KCNQ5: variants seen among roughly 807,000 people sequenced by gnomAD.
KCNQ5 encodes the protein potassium voltage-gated channel subfamily KQT member 5.
In KCNQ5, 30 loss-of-function variants were observed where a neutral mutation model predicts 98.2. The ratio of observed to expected loss-of-function variants is 0.31; its 90% CI spans 0.23 to 0.41. The LOEUF is 0.41. Among genes scored for constraint, KCNQ5 ranks in the 10% least tolerant of loss-of-function variants. The pLI is 1.00. For synonymous variants in KCNQ5, 458 were observed against 449.4 expected (o/e 1.02, Z -0.24); for missense variants, 835 against 1,182.5 (o/e 0.71, Z 4.31).
chr6:73,055,208 G>T (rs1772423486), intron 3 of KCNQ5: 2 of 1,076,266 alleles, frequency 1.9e-6, no homozygotes, highest in Admixed American at 1.7e-5. Flanking sequence ...CCATGAGGCG[G>T]CAAAGCAGGC....
intron 1 of KCNQ5, among the ~76,000 whole-genome samples, chr6:72,915,106 G>C (rs542918572): frequency 1.3e-5 from 2 of 152,092 alleles, no homozygotes; most frequent in Non-Finnish European, 2.9e-5. Context: ...ATTTAGTCAA[G>C]AGAAGAGATG....
At chr6:72,771,117 A>G (rs956830530) in intron 1 of KCNQ5, among the ~76,000 whole-genome samples, 2 of 152,034 alleles carry the variant, frequency 1.3e-5, no homozygotes, top group Non-Finnish European at 2.9e-5. Context: ...CTGGAGCGTG[A>G]GTGGGGATGA....
At chr6:72,707,056 G>A (rs1434393048) in intron 1 of KCNQ5, among the ~76,000 whole-genome samples, 2 of 152,128 alleles carry the variant, frequency 1.3e-5, no homozygotes. Context: ...ATGAGTGTGT[G>A]TATATGTGTA....
chr6:73,063,735 A>AT (rs1432786492), intron 3 of KCNQ5, among the ~76,000 whole-genome samples: 12 of 148,468 alleles, frequency 8.1e-5, no homozygotes, highest in Non-Finnish European at 1.2e-4. Context: ...AGATAGATAG[A>AT]TAGATAGATA....
intron 1 of KCNQ5, among the ~76,000 whole-genome samples, chr6:72,709,616 A>C (rs1423574447): frequency 6.6e-6 from 1 of 152,180 alleles, no homozygotes; most frequent in African/African-American, 2.4e-5. Context: ...TTTTCTATAA[A>C]CTTTCACTAC....
chr6:73,159,455 C>T (rs1242875746), intron 10 of KCNQ5, among the ~76,000 whole-genome samples: 2 of 152,040 alleles, frequency 1.3e-5, no homozygotes, highest in Non-Finnish European at 2.9e-5. Flanking sequence ...TATAATAAAC[C>T]TTCTCATGTA....
chr6:72,752,630 A>G (rs971561968), intron 1 of KCNQ5, among the ~76,000 whole-genome samples: 2 of 152,132 alleles, frequency 1.3e-5, no homozygotes, highest in South Asian at 4.1e-4. Context: ...ACAGTCCATT[A>G]AACAATTTGG....
chr6:72,916,469 C>T (rs542133764), intron 1 of KCNQ5, among the ~76,000 whole-genome samples: 2 of 152,212 alleles, frequency 1.3e-5, no homozygotes, highest in African/African-American at 4.8e-5. Context: ...TAGAGAGAGG[C>T]AGATTACTAT....
intron 11 of KCNQ5, among the ~76,000 whole-genome samples, chr6:73,183,694 T>C (rs980951522): frequency 2.6e-5 from 4 of 152,238 alleles, no homozygotes; most frequent in Admixed American, 2.6e-4. Context: ...CTCTACCTTC[T>C]ATTTTGATCA....
At chr6:72,744,548 TGC>T (rs1461773684) in intron 1 of KCNQ5, among the ~76,000 whole-genome samples, 1 of 152,132 alleles carries the variant, frequency 6.6e-6, no homozygotes, top group Non-Finnish European at 1.5e-5. Context: ...CGGTGGCTCA[TGC>T]CTGTAATCCC....
At chr6:72,696,889 A>G (rs905155662) in intron 1 of KCNQ5, among the ~76,000 whole-genome samples, 2 of 152,240 alleles carry the variant, frequency 1.3e-5, no homozygotes, top group African/African-American at 4.8e-5. Flanking sequence ...AGCACTAAAT[A>G]ATGGTTGACA....
At chr6:73,072,803 C>A (rs1466182759) in intron 3 of KCNQ5, among the ~76,000 whole-genome samples, 6 of 152,152 alleles carry the variant, frequency 3.9e-5, no homozygotes, top group African/African-American at 7.2e-5. Context: ...TACTGGGCTG[C>A]TTATAATCAA....
At chr6:72,947,485 G>A (rs545639619) in intron 1 of KCNQ5, among the ~76,000 whole-genome samples, 14 of 152,230 alleles carry the variant, frequency 9.2e-5, no homozygotes, top group Middle Eastern at 3.4e-3. Context: ...TGTTAAGTCC[G>A]TTCTTAGCCG....
intron 9 of KCNQ5, among the ~76,000 whole-genome samples, chr6:73,126,651 G>A (rs923878713): frequency 1.3e-5 from 2 of 152,084 alleles, no homozygotes; most frequent in Non-Finnish European, 2.9e-5. Context: ...GAAGTGGGTT[G>A]ATGACTTAGA....
intron 1 of KCNQ5, among the ~76,000 whole-genome samples, chr6:72,932,816 T>C (rs1447740811): frequency 6.6e-6 from 1 of 152,148 alleles, no homozygotes; most frequent in Non-Finnish European, 1.5e-5. Context: ...TAATGTTGCT[T>C]TTTGAACTAT....
At chr6:72,714,475 T>G (rs1769539651) in intron 1 of KCNQ5, among the ~76,000 whole-genome samples, 1 of 152,078 alleles carries the variant, frequency 6.6e-6, no homozygotes, top group South Asian at 2.1e-4. Context: ...AAAAAAAGCC[T>G]TTATAACACA....
intron 1 of KCNQ5, among the ~76,000 whole-genome samples, chr6:72,788,468 A>G (rs1561984039): frequency 6.6e-6 from 1 of 152,304 alleles, no homozygotes; most frequent in East Asian, 1.9e-4. Flanking sequence ...AGAAAGTTTC[A>G]TTCTTCTTCC....
At chr6:72,774,019 T>G (rs1054769539) in intron 1 of KCNQ5, among the ~76,000 whole-genome samples, 2 of 152,026 alleles carry the variant, frequency 1.3e-5, no homozygotes, top group African/African-American at 4.8e-5. Flanking sequence ...GAAAATAATT[T>G]TTTCCCCCAG....
chr6:72,711,241 C>G (rs1034517494), intron 1 of KCNQ5, among the ~76,000 whole-genome samples: 3 of 151,776 alleles, frequency 2.0e-5, no homozygotes, highest in Admixed American at 6.6e-5. Context: ...CAAGAAGTAG[C>G]CATTTACAAA....
Sources: gnomAD v4.1 joint callset for allele counts (sites outside exome capture counted in the v4.1 genomes callset) on GRCh38, gnomAD v4.1.1 for gene constraint, MANE v1.5 for transcripts, NCBI Gene and HGNC (gene_info 2026-07-23, HGNC 2026-07-21) for gene names.